Variants in CDC42BPA observed in about 807,000 individuals in gnomAD.
The protein encoded by CDC42BPA is serine/threonine-protein kinase MRCK alpha.
In CDC42BPA, 80 loss-of-function variants were observed where a neutral mutation model predicts 223.5. The observed-to-expected ratio is 0.36, with a 90% CI of 0.30 to 0.43. CDC42BPA has a LOEUF of 0.43. Among genes scored for constraint, CDC42BPA ranks in the 20% least tolerant of loss-of-function variants. CDC42BPA has a pLI of 1.00. For synonymous variants in CDC42BPA, 694 were observed against 718.6 expected, an observed-to-expected ratio of 0.97 and a Z score of 0.55; for missense variants, 1,743 against 2,099.9, an observed-to-expected ratio of 0.83 and a Z score of 3.32.
At chr1:227,083,209 C>A (rs1463751501) in intron 16 of CDC42BPA, among the ~76,000 whole-genome samples, 4 of 152,152 alleles carry the variant, frequency 2.6e-5, no homozygotes, top group Non-Finnish European at 5.9e-5. Context: ...TTCATCACAT[C>A]CTCTATGTCT....
chr1:227,151,734 A>G (rs79611117), intron 6 of CDC42BPA, among the ~76,000 whole-genome samples: 9,094 of 152,086 alleles, frequency 0.06, 281 homozygotes, highest in Non-Finnish European at 0.072. Context: ...CACCTTTTCA[A>G]GTGCTAATTG....
At chr1:227,267,965 G>A (rs1291338004) in intron 1 of CDC42BPA, among the ~76,000 whole-genome samples, 1 of 152,152 alleles carries the variant, frequency 6.6e-6, no homozygotes, top group Non-Finnish European at 1.5e-5. Flanking sequence ...CATACTAGTA[G>A]CACGTATTTA....
At chr1:227,134,976 G>A (rs1571887606) in intron 10 of CDC42BPA, among the ~76,000 whole-genome samples, 2 of 152,116 alleles carry the variant, frequency 1.3e-5, no homozygotes, top group Admixed American at 1.3e-4. Context: ...AAACATCTTT[G>A]GTTTATTTTA....
At chr1:227,230,949 T>C (rs1677808424) in intron 2 of CDC42BPA, among the ~76,000 whole-genome samples, 1 of 151,246 alleles carries the variant, frequency 6.6e-6, no homozygotes, top group Non-Finnish European at 1.5e-5. Flanking sequence ...GCCTCCTGAG[T>C]AGCTGGGACT....
At chr1:227,123,456 T>C (rs1193608364) in intron 11 of CDC42BPA, among the ~76,000 whole-genome samples, 3 of 152,182 alleles carry the variant, frequency 2.0e-5, no homozygotes, top group African/African-American at 7.2e-5. Flanking sequence ...TGGCACTGTA[T>C]GGCATGGAAG....
chr1:227,129,701 G>GGATATATATATATATATATATATATATA (rs1656634864), intron 10 of CDC42BPA, among the ~76,000 whole-genome samples: 1 of 57,938 alleles, frequency 1.7e-5, no homozygotes, highest in Non-Finnish European at 3.7e-5. Flanking sequence ...AAAATCCACT[G>GGATATATATATATATATATATATATATA]CATATATATA....
At chr1:227,193,063 C>CTCT (rs1229165641) in intron 5 of CDC42BPA, among the ~76,000 whole-genome samples, 3 of 117,030 alleles carry the variant, frequency 2.6e-5, no homozygotes, top group African/African-American at 1.1e-4. Context: ...GAAGTGAGAA[C>CTCT]TTTTTTTTTT....
chr1:227,316,489 T>C (rs571441536), intron 1 of CDC42BPA, among the ~76,000 whole-genome samples: 34 of 152,354 alleles, frequency 2.2e-4, no homozygotes, highest in Admixed American at 2.0e-3. Flanking sequence ...GGAAAGTCCA[T>C]GTTTAGCAGT....
chr1:227,234,368 T>C (rs1034844571), intron 2 of CDC42BPA: 6 of 152,360 alleles, frequency 3.9e-5, no homozygotes, highest in Middle Eastern at 3.4e-3. Context: ...CAAAAAATGC[T>C]GATCCAGGAA....
intron 11 of CDC42BPA, among the ~76,000 whole-genome samples, chr1:227,120,190 C>T (rs1177893287): frequency 6.6e-6 from 1 of 150,420 alleles, no homozygotes; most frequent in African/African-American, 2.4e-5. Context: ...AAAAAGCATG[C>T]TTCCAAAAAC....
intron 1 of CDC42BPA, among the ~76,000 whole-genome samples, chr1:227,295,838 T>C (rs1231033872): frequency 6.6e-6 from 1 of 152,182 alleles, no homozygotes; most frequent in African/African-American, 2.4e-5. Context: ...GGGGAAAGCC[T>C]TCCTTTTAAT....
chr1:227,048,505 T>C (rs184317143), intron 22 of CDC42BPA, among the ~76,000 whole-genome samples: 183 of 152,032 alleles, frequency 1.2e-3, no homozygotes, highest in Non-Finnish European at 6.6e-4. Context: ...ACTGGGATTT[T>C]TGTGCAGAAA....
intron 1 of CDC42BPA, among the ~76,000 whole-genome samples, chr1:227,263,582 A>ATT (rs34757020): frequency 5.0e-4 from 68 of 135,136 alleles, no homozygotes; most frequent in Middle Eastern, 3.8e-3. Context: ...TTGAGAATCA[A>ATT]TTTTTTTTTT....
chr1:227,141,439 C>T (rs1485555523), intron 9 of CDC42BPA, among the ~76,000 whole-genome samples: 1 of 152,106 alleles, frequency 6.6e-6, no homozygotes, highest in Non-Finnish European at 1.5e-5. Flanking sequence ...AAAACATGCA[C>T]TAGACTAGCC....
At chr1:227,207,053 G>A (rs1043305788) in intron 3 of CDC42BPA, among the ~76,000 whole-genome samples, 1 of 148,830 alleles carries the variant, frequency 6.7e-6, no homozygotes, top group African/African-American at 2.5e-5. Context: ...TTAGCATTAG[G>A]TATATCTCCT....
chr1:227,164,181 C>G (rs1290551697), intron 5 of CDC42BPA, among the ~76,000 whole-genome samples: 2 of 152,166 alleles, frequency 1.3e-5, no homozygotes, highest in Non-Finnish European at 2.9e-5. Flanking sequence ...CCATATGCCT[C>G]TACCTGCACC....
chr1:227,128,892 T>A (rs972673351), intron 11 of CDC42BPA, among the ~76,000 whole-genome samples: 2 of 152,198 alleles, frequency 1.3e-5, no homozygotes, highest in African/African-American at 4.8e-5. Flanking sequence ...TTTTTCCTGA[T>A]AGCCTTTTCA....
At chr1:227,111,105 T>G (rs1265895715) in intron 14 of CDC42BPA, among the ~76,000 whole-genome samples, 1 of 152,218 alleles carries the variant, frequency 6.6e-6, no homozygotes, top group East Asian at 1.9e-4. Context: ...CTACAGGTAT[T>G]AACAGAATTC....
intron 6 of CDC42BPA, among the ~76,000 whole-genome samples, chr1:227,154,027 T>C (rs114378675): frequency 0.01 from 1,582 of 152,022 alleles, 32 homozygotes; most frequent in African/African-American, 0.035. Flanking sequence ...AACAATACTA[T>C]ATAAAATAGT....
Sources: gnomAD v4.1 joint callset for allele counts (sites outside exome capture counted in the v4.1 genomes callset) on GRCh38, gnomAD v4.1.1 for gene constraint, MANE v1.5 for transcripts, NCBI Gene and HGNC (gene_info 2026-07-23, HGNC 2026-07-21) for gene names.